Variants in PIK3CB observed in about 807,000 individuals in gnomAD.
PIK3CB encodes phosphatidylinositol 4,5-bisphosphate 3-kinase catalytic subunit beta isoform.
A neutral mutation model predicts 136.8 loss-of-function variants in PIK3CB; 39 were observed. The observed-to-expected ratio is 0.29, with a 90% CI of 0.22 to 0.37. PIK3CB has a LOEUF of 0.37. Among genes scored for constraint, PIK3CB ranks in the 10% least tolerant of loss-of-function variants. PIK3CB has a pLI of 1.00. For synonymous variants in PIK3CB, 428 were observed against 436.6 expected, an observed-to-expected ratio of 0.98 and a Z score of 0.25; for missense variants, 868 against 1,275.4, an observed-to-expected ratio of 0.68 and a Z score of 4.87.
At chr3:138,773,232 C>T (rs1046735627) in intron 2 of PIK3CB, among the ~76,000 whole-genome samples, 2 of 151,976 alleles carry the variant, frequency 1.3e-5, no homozygotes, top group Non-Finnish European at 2.9e-5. Flanking sequence ...GAAACCTTCT[C>T]TACTAAAAAT....
intron 1 of PIK3CB, among the ~76,000 whole-genome samples, chr3:138,830,165 G>A (rs2108932031): frequency 6.6e-6 from 1 of 152,180 alleles, no homozygotes; most frequent in East Asian, 1.9e-4. Context: ...CATAAAACTC[G>A]AATATCCTAG....
rs2108382823 is a variant in PIK3CB, at chr3:138,655,540, G to A, written c.3076-14C>T. 5.0e-6 allele frequency: 8 copies of A among 1,598,446 alleles called. No homozygotes were observed. Among genetic ancestry groups the A allele is most frequent in the Non-Finnish European group, 6.9e-6 (8 of 1,166,058 alleles). On this transcript the variant is annotated splice_polypyrimidine_tract_variant and intron_variant, in intron 23 of 23. Transcript: ENST00000674063. ...TGCAAGAGAGTCCTAAAATGGAAGG[G>A]GGAAAATATGATTTTATATAACTTT...
chr3:138,799,931 A>G (rs1028151493), intron 1 of PIK3CB, among the ~76,000 whole-genome samples: 13 of 152,080 alleles, frequency 8.5e-5, no homozygotes. Context: ...CACCCACTTC[A>G]GCCTCTAAAA....
chr3:138,720,469 C>T (rs929638483), intron 8 of PIK3CB, among the ~76,000 whole-genome samples: 3 of 152,210 alleles, frequency 2.0e-5, no homozygotes, highest in African/African-American at 4.8e-5. Context: ...CCATCACACT[C>T]GTCTGGAAGT....
intron 21 of PIK3CB, among the ~76,000 whole-genome samples, chr3:138,658,719 A>T (rs1383408230): frequency 2.0e-5 from 3 of 152,216 alleles, no homozygotes; most frequent in African/African-American, 7.2e-5. Context: ...TTACATCAAT[A>T]TTCAGTGTTT....
At chr3:138,833,889 G>C (rs1056410262) in intron 1 of PIK3CB, among the ~76,000 whole-genome samples, 1 of 152,172 alleles carries the variant, frequency 6.6e-6, no homozygotes, top group Non-Finnish European at 1.5e-5. Context: ...ACCTGAGACA[G>C]GGTTCCAATT....
chr3:138,743,197 GA>G (rs142439700), intron 4 of PIK3CB, among the ~76,000 whole-genome samples: 1 of 152,082 alleles, frequency 6.6e-6, no homozygotes, highest in Non-Finnish European at 1.5e-5. Flanking sequence ...TATATTAGAA[GA>G]AAACTAAGAA....
At chr3:138,828,448 A>T (rs1405978447) in intron 1 of PIK3CB, among the ~76,000 whole-genome samples, 1 of 151,930 alleles carries the variant, frequency 6.6e-6, no homozygotes, top group Non-Finnish European at 1.5e-5. Flanking sequence ...GCCTCCCAAA[A>T]TGCTGGGATT....
At chr3:138,706,581 G>A (rs920090065) in intron 11 of PIK3CB, among the ~76,000 whole-genome samples, 5 of 152,176 alleles carry the variant, frequency 3.3e-5, no homozygotes, top group Admixed American at 6.5e-5. Context: ...CTTTAAGGGC[G>A]TGAGATATTA....
At chr3:138,799,109 C>T (rs898577545) in intron 1 of PIK3CB, among the ~76,000 whole-genome samples, 20 of 151,854 alleles carry the variant, frequency 1.3e-4, no homozygotes, top group African/African-American at 4.3e-4. Flanking sequence ...ATAATCCCAG[C>T]TACTCGGGAG....
At chr3:138,714,296 G>T (rs1477253893) in intron 9 of PIK3CB, among the ~76,000 whole-genome samples, 172 bp downstream of exon 9, 1 of 151,990 alleles carries the variant, frequency 6.6e-6, no homozygotes, top group African/African-American at 2.4e-5. Context: ...ATAAATAAAT[G>T]CATGAACATA....
Position 138,719,339 on chromosome 3 carries a change from G to A in PIK3CB, c.1051-4620C>T, listed in dbSNP as rs182143786. Among the ~76,000 whole-genome samples the A allele has an allele frequency of 1.9e-3, 273 of 144,002 alleles. 1 individual carries two copies. The highest frequency in any genetic ancestry group is 2.5e-3 in the African/African-American group (100 of 39,442). 94.5% of individuals were successfully genotyped at this position (144,002 alleles called of 152,430 possible). On this transcript the variant is annotated intron_variant, in intron 8 of 23. Coordinates refer to ENST00000674063, the MANE Select transcript of PIK3CB (RefSeq NM_006219.3). ...CAACTAACTGCAACATCCATCTCCC[G>A]GGTTCAAGTGATCCTCCCACTTCAG...
At chr3:138,790,543 G>A (rs1055518003) in intron 2 of PIK3CB, among the ~76,000 whole-genome samples, 8 of 150,750 alleles carry the variant, frequency 5.3e-5, no homozygotes, top group Non-Finnish European at 1.2e-4. Flanking sequence ...GGTGGCTCAT[G>A]CCTGGAAGCC....
chr3:138,698,177 T>C (rs1396720532), intron 13 of PIK3CB, among the ~76,000 whole-genome samples: 1 of 152,222 alleles, frequency 6.6e-6, no homozygotes, highest in South Asian at 2.1e-4. Context: ...TTAGTCACTA[T>C]AGATTTACTA....
In PIK3CB at chr3:138,654,023, C is replaced by G. The variant is rs1256476996; in HGVS notation, c.*1366G>C. ...CCATAAAGAAGAGGCTCACCCATTCCAAGAGCAGCCGAAACCAGCTCACTC... is the reference window on the plus strand; with the variant it reads ...CCATAAAGAAGAGGCTCACCCATTCGAAGAGCAGCCGAAACCAGCTCACTC... On this transcript the variant is annotated 3_prime_UTR_variant, in exon 24 of 24. Coordinates refer to ENST00000674063, the MANE Select transcript of PIK3CB (RefSeq NM_006219.3). 1 of 195,724 alleles carries G rather than the reference C, an allele frequency of 5.1e-6. No homozygotes were observed. Among genetic ancestry groups the G allele is most frequent in the Non-Finnish European group, 1.1e-5 (1 of 94,274 alleles). The allele number at this position is 195,724 out of a possible 1,614,324, so 12.1% of individuals were successfully genotyped here.
intron 1 of PIK3CB, among the ~76,000 whole-genome samples, chr3:138,827,281 T>A (rs986493469): frequency 6.6e-6 from 1 of 152,220 alleles, no homozygotes; most frequent in African/African-American, 2.4e-5. Context: ...ACACTCGTTT[T>A]TGTCATTAAT....
At chr3:138,816,108 C>T (rs1933313766) in intron 1 of PIK3CB, among the ~76,000 whole-genome samples, 1 of 151,970 alleles carries the variant, frequency 6.6e-6, no homozygotes, top group Admixed American at 6.6e-5. Context: ...TTGAGACCAG[C>T]CTGGGCAATG....
chr3:138,804,604 T>C (rs188809756), intron 1 of PIK3CB, among the ~76,000 whole-genome samples: 1 of 152,344 alleles, frequency 6.6e-6, no homozygotes, highest in East Asian at 1.9e-4. Flanking sequence ...CCTTATCAAC[T>C]CTTAAGAACA....
intron 7 of PIK3CB, among the ~76,000 whole-genome samples, chr3:138,733,835 G>A (rs564490435): frequency 4.6e-5 from 7 of 151,982 alleles, no homozygotes; most frequent in South Asian, 4.2e-4. Context: ...CCAAGATTGC[G>A]CCACTGCACT....
Sources: gnomAD v4.1 joint callset for allele counts (sites outside exome capture counted in the v4.1 genomes callset) on GRCh38, gnomAD v4.1.1 for gene constraint, MANE v1.5 for transcripts, NCBI Gene and HGNC (gene_info 2026-07-23, HGNC 2026-07-21) for gene names.